The following IPO11 variants were observed in gnomAD, a reference collection of about 807,000 sequenced individuals.
IPO11 encodes the protein importin 11, also known as importin-11.
In IPO11, 66 loss-of-function variants were observed where a neutral mutation model predicts 143.2. That is an observed-to-expected ratio of 0.46 (90% CI 0.38 to 0.57). IPO11 has a LOEUF of 0.57. IPO11 is among the 20% of genes least tolerant of loss of function. The pLI is 0.00. For synonymous variants in IPO11, 385 were observed against 377.8 expected, an observed-to-expected ratio of 1.02 and a Z score of -0.22; for missense variants, 1,026 against 1,141.0, an observed-to-expected ratio of 0.90 and a Z score of 1.45.
chr5:62,495,589 C>T (rs2112244989), intron 16 of IPO11, among the ~76,000 whole-genome samples: 2 of 152,278 alleles, frequency 1.3e-5, no homozygotes, highest in Middle Eastern at 6.8e-3. Flanking sequence ...ATCCTCCCAC[C>T]TCAGCCTCCC....
At chr5:62,419,599 A>T (rs1007855626) in intron 1 of IPO11, among the ~76,000 whole-genome samples, 5 of 152,190 alleles carry the variant, frequency 3.3e-5, no homozygotes, top group Non-Finnish European at 5.9e-5. Flanking sequence ...CTTCTATGAT[A>T]GCAATGACTT....
chr5:62,580,332 G>T (rs1452957738), intron 27 of IPO11: 1 of 1,539,606 alleles, frequency 6.5e-7, no homozygotes, highest in African/African-American at 1.4e-5. Context: ...CATTCAGTTT[G>T]TTAAAGAATT....
chr5:62,619,852 C>A (rs1746282023), intron 29 of IPO11, among the ~76,000 whole-genome samples: 1 of 150,800 alleles, frequency 6.6e-6, no homozygotes, highest in Non-Finnish European at 1.5e-5. Context: ...GGGCGAGACT[C>A]CACCTCAAAA....
intron 16 of IPO11, among the ~76,000 whole-genome samples, chr5:62,496,433 C>T (rs922046032): frequency 1.3e-5 from 2 of 152,116 alleles, no homozygotes; most frequent in African/African-American, 2.4e-5. Context: ...CTACATCTCA[C>T]GTTTACTTGT....
chr5:62,601,953 C>T, intron 29 of IPO11, 105 bp downstream of exon 29: 1 of 581,532 alleles, frequency 1.7e-6, no homozygotes, highest in South Asian at 3.2e-5. Context: ...ATATGTCTAT[C>T]CATCTATCCC....
At chr5:62,418,798 C>A in intron 1 of IPO11, 3 of 461,354 alleles carry the variant, frequency 6.5e-6, no homozygotes, top group Non-Finnish European at 1.2e-5. Context: ...CTCCAAGTCT[C>A]TGTTAATATA....
intron 7 of IPO11, among the ~76,000 whole-genome samples, chr5:62,471,301 C>T (rs886858550): frequency 1.3e-5 from 2 of 151,214 alleles, no homozygotes; most frequent in Non-Finnish European, 2.9e-5. Context: ...TTGGGTCTCC[C>T]CTACTAGATT....
intron 1 of IPO11, among the ~76,000 whole-genome samples, chr5:62,432,605 A>G (rs969588844): frequency 3.3e-5 from 5 of 152,124 alleles, no homozygotes; most frequent in African/African-American, 1.2e-4. Context: ...ATGTTTCTGT[A>G]TTTGCTGTAT....
rs926513008 is a variant in IPO11, at chr5:62,551,318, C to A, written c.2442C>A (p.Ala814=). Residue 814 remains alanine (A), a synonymous_variant, in exon 26 of 30, where the codon GCC becomes GCA. Transcript: ENST00000325324. ...TTTCTTCACTACTTAATGAGATGGC[C>A]CATAAATTTAATCAGGAGGTAAGAA... is the stretch of plus-strand genomic sequence containing the variant. ...SFFSSLLNEM[A]HKFNQEMDQL... 6.3e-7 allele frequency: 1 copy of A among 1,580,292 alleles called. No homozygotes were observed. Among genetic ancestry groups the A allele is most frequent in the Middle Eastern group, 2.0e-4 (1 of 5,014 alleles).
chr5:62,430,834 C>T (rs112259885), intron 1 of IPO11, among the ~76,000 whole-genome samples: 2,547 of 151,368 alleles, frequency 0.017, 66 homozygotes, highest in African/African-American at 0.059. Flanking sequence ...TGCACCATCA[C>T]GTCTGGCTAA....
At chr5:62,566,206 T>A (rs1381600052) in intron 27 of IPO11, among the ~76,000 whole-genome samples, 3 of 152,202 alleles carry the variant, frequency 2.0e-5, no homozygotes, top group Admixed American at 6.5e-5. Context: ...ATTGCCACAC[T>A]GTCTTCCACA....
rs1400148397 is a variant in IPO11, at chr5:62,598,379, G to GTTTT, written c.2679-3385_2679-3384insTTTT. 1.0e-4 allele frequency among the ~76,000 whole-genome samples: 5 copies of GTTTT among 48,574 alleles called. 2 individuals are homozygous for GTTTT. The highest frequency in any genetic ancestry group is 4.5e-4 in the African/African-American group (5 of 11,194). The allele number at this position is 48,574 out of a possible 152,430, so 31.9% of individuals were successfully genotyped here. Reference sequence around the variant, plus strand: ...ATGTGAAACGACCCATAAATTGTTTGCTTGCTTGCTTGCTTTCTTTCTTTC... The same window carrying GTTTT: ...ATGTGAAACGACCCATAAATTGTTTGTTTTCTTGCTTGCTTGCTTTCTTTCTTTC... On this transcript the variant is annotated intron_variant, in intron 28 of 29. Transcript: ENST00000325324.
At chr5:62,600,265 C>T (rs1275712094) in intron 28 of IPO11, among the ~76,000 whole-genome samples, 5 of 152,116 alleles carry the variant, frequency 3.3e-5, no homozygotes, top group Admixed American at 6.6e-5. Context: ...AGGTTGGTCT[C>T]GAGCTTCTGA....
chr5:62,493,909 C>T, intron 15 of IPO11, 89 bp from the exon 16 acceptor site: 2 of 1,201,192 alleles, frequency 1.7e-6, no homozygotes, highest in Non-Finnish European at 1.1e-6. Context: ...ATTCTTACTA[C>T]ATTTTAGATT....
rs1561380812 is a variant in IPO11, at chr5:62,598,504, TTC to T, written c.2679-3258_2679-3257del. On this transcript the variant is annotated intron_variant, in intron 28 of 29. Coordinates refer to ENST00000325324, the MANE Select transcript of IPO11 (RefSeq NM_016338.5). The stretch of plus-strand genomic sequence containing the variant: ...TCTCTCTCTCTCTCTCTTTCTTTCT[TTC>T]TTTCTTTCTTTCTTTCTTTCTTTTC... 8.6e-4 allele frequency among the ~76,000 whole-genome samples: 5 copies of T among 5,838 alleles called. 2 individuals carry two copies. In the African/African-American group the frequency reaches 0.014, roughly 16 times the overall value. The allele number at this position is 5,838 out of a possible 152,430, so 3.8% of individuals were successfully genotyped here.
chr5:62,592,500 C>G (rs1038683505), intron 28 of IPO11, among the ~76,000 whole-genome samples: 9 of 152,018 alleles, frequency 5.9e-5, no homozygotes, highest in African/African-American at 2.2e-4. Flanking sequence ...AGACTACAAA[C>G]CAAAAACAAG....
At chr5:62,548,550 C>G (rs550969601) in intron 24 of IPO11, among the ~76,000 whole-genome samples, 3 of 152,132 alleles carry the variant, frequency 2.0e-5, no homozygotes, top group African/African-American at 7.2e-5. Flanking sequence ...TCTCTTCGTT[C>G]TCCTGGATTG....
intron 27 of IPO11, among the ~76,000 whole-genome samples, chr5:62,579,087 CAT>C (rs1371463924): frequency 1.3e-4 from 20 of 152,002 alleles, no homozygotes; most frequent in African/African-American, 7.2e-5. Flanking sequence ...GTTAAAGGGA[CAT>C]ATTAAATTCA....
At chr5:62,434,485 AGAC>A (rs959201886) in intron 1 of IPO11, among the ~76,000 whole-genome samples, 4 of 151,828 alleles carry the variant, frequency 2.6e-5, no homozygotes, top group African/African-American at 9.7e-5. Flanking sequence ...TTTTCTGTAG[AGAC>A]GGGATTTTGC....
Sources: gnomAD v4.1 joint callset for allele counts (sites outside exome capture counted in the v4.1 genomes callset) on GRCh38, gnomAD v4.1.1 for gene constraint, MANE v1.5 for transcripts, NCBI Gene and HGNC (gene_info 2026-07-23, HGNC 2026-07-21) for gene names.